The following CCSER1 variants were observed in gnomAD, a reference collection of about 807,000 sequenced individuals.
CCSER1 encodes serine-rich coiled-coil domain-containing protein 1.
CCSER1 carries 41 observed loss-of-function variants against 82.0 expected under a neutral mutation model. That is an observed-to-expected ratio of 0.50 (90% CI 0.39 to 0.65). CCSER1 has a LOEUF of 0.65. CCSER1 is among the 30% of genes least tolerant of loss of function. The pLI is 0.00. For missense variants in CCSER1, 1,119 were observed against 1,064.2 expected (o/e 1.05, Z -0.72); for synonymous variants, 414 against 383.9 (o/e 1.08, Z -0.92).
At chr4:91,420,016 G>C (rs769853581) in intron 10 of CCSER1, among the ~76,000 whole-genome samples, 2 of 152,024 alleles carry the variant, frequency 1.3e-5, no homozygotes, top group Non-Finnish European at 2.9e-5. Context: ...AGTGAAACTG[G>C]ACCCTTGTCT....
At chr4:91,273,696 G>A (rs1462922337) in intron 10 of CCSER1, among the ~76,000 whole-genome samples, 1 of 152,132 alleles carries the variant, frequency 6.6e-6, no homozygotes, top group African/African-American at 2.4e-5. Context: ...CTCAGATGGA[G>A]TGCTTTAAAC....
intron 10 of CCSER1, among the ~76,000 whole-genome samples, chr4:91,412,456 C>T (rs1206332253): frequency 5.3e-5 from 8 of 152,134 alleles, no homozygotes; most frequent in South Asian, 2.1e-4. Flanking sequence ...GCACACACAT[C>T]TGTGAAATTG....
chr4:90,257,391 C>G (rs902490395), intron 1 of CCSER1, among the ~76,000 whole-genome samples: 1 of 151,746 alleles, frequency 6.6e-6, no homozygotes, highest in Non-Finnish European at 1.5e-5. Context: ...TTTAAGGGAG[C>G]AAAAAATATT....
chr4:90,489,853 A>T (rs1767696499), intron 5 of CCSER1, among the ~76,000 whole-genome samples: 1 of 152,134 alleles, frequency 6.6e-6, no homozygotes. Context: ...ACATGAACTC[A>T]TCCATTTTTA....
chr4:91,439,375 C>T lies in CCSER1; in HGVS notation c.2218-159197C>T, dbSNP rs547245360. On this transcript the variant is annotated intron_variant, in intron 10 of 10. Coordinates refer to ENST00000509176, the MANE Select transcript of CCSER1 (RefSeq NM_001145065.2). ...TTCAACCCAGAATTTCATATCCAACCAAACTAAGCTTCATAAGTGCAAGAG... is the reference window on the plus strand; with the variant it reads ...TTCAACCCAGAATTTCATATCCAACTAAACTAAGCTTCATAAGTGCAAGAG... 7.9e-5 allele frequency among the ~76,000 whole-genome samples: 12 copies of T among 152,000 alleles called. No individual in the cohort carries two copies. The South Asian group carries it at 1.9e-3, about 24-fold the overall frequency.
intron 1 of CCSER1, among the ~76,000 whole-genome samples, chr4:90,222,010 C>A (rs1742241257): frequency 6.6e-6 from 1 of 152,070 alleles, no homozygotes; most frequent in Non-Finnish European, 1.5e-5. Flanking sequence ...CATGTTTTCA[C>A]TCTGTAACAG....
chr4:91,258,729 CA>C (rs918632958), intron 10 of CCSER1, among the ~76,000 whole-genome samples: 6 of 151,986 alleles, frequency 3.9e-5, no homozygotes, highest in Non-Finnish European at 7.4e-5. Context: ...TGCTAATATG[CA>C]AAAATAAATC....
At chr4:91,150,791 G>T (rs1392256183) in intron 10 of CCSER1, among the ~76,000 whole-genome samples, 1 of 152,144 alleles carries the variant, frequency 6.6e-6, no homozygotes, top group Non-Finnish European at 1.5e-5. Flanking sequence ...TGCATATGTT[G>T]AACCAGCCTT....
chr4:90,716,660 G>T (rs1017344252), intron 6 of CCSER1, among the ~76,000 whole-genome samples: 2 of 152,028 alleles, frequency 1.3e-5, no homozygotes, highest in Non-Finnish European at 2.9e-5. Context: ...ACAATATTCA[G>T]TACAGTAACA....
intron 7 of CCSER1, among the ~76,000 whole-genome samples, chr4:90,771,376 A>C (rs1356669947): frequency 6.6e-6 from 1 of 151,726 alleles, no homozygotes; most frequent in Non-Finnish European, 1.5e-5. Flanking sequence ...CCACTTTTTA[A>C]AATTCAGAAA....
intron 10 of CCSER1, among the ~76,000 whole-genome samples, chr4:91,088,264 A>G (rs1399648855): frequency 5.3e-5 from 8 of 152,122 alleles, no homozygotes; most frequent in African/African-American, 9.7e-5. Context: ...GCTATTCCCC[A>G]TAGGTGTTGA....
intron 5 of CCSER1, among the ~76,000 whole-genome samples, chr4:90,566,940 C>T (rs948002296): frequency 2.0e-5 from 3 of 151,506 alleles, no homozygotes; most frequent in African/African-American, 4.8e-5. Context: ...TCAATTGTAA[C>T]GTCTCCTTTC....
intron 3 of CCSER1, among the ~76,000 whole-genome samples, chr4:90,389,821 T>G (rs867250889): frequency 1.3e-5 from 2 of 151,214 alleles, no homozygotes; most frequent in African/African-American, 2.4e-5. Flanking sequence ...TAATTTCTAG[T>G]TTTTTTTTAA....
intron 7 of CCSER1, among the ~76,000 whole-genome samples, chr4:90,775,073 ATTGAT>A (rs1001466801): frequency 3.3e-5 from 5 of 152,118 alleles, no homozygotes; most frequent in African/African-American, 9.6e-5. Flanking sequence ...TTCTCCTATA[ATTGAT>A]TTAACAAAGG....
At chr4:91,570,167 C>T (rs937042961) in intron 10 of CCSER1, among the ~76,000 whole-genome samples, 1 of 152,192 alleles carries the variant, frequency 6.6e-6, no homozygotes, top group Non-Finnish European at 1.5e-5. Flanking sequence ...GCTTCCAAGA[C>T]CTTGAGCAGC....
At chr4:90,384,409 G>T (rs539585821) in intron 3 of CCSER1, among the ~76,000 whole-genome samples, 1 of 150,806 alleles carries the variant, frequency 6.6e-6, no homozygotes, top group African/African-American at 2.4e-5. Flanking sequence ...ATTGAACAAT[G>T]AGAACACTTG....
intron 9 of CCSER1, among the ~76,000 whole-genome samples, chr4:91,046,979 G>T (rs939240669): frequency 6.6e-6 from 1 of 152,086 alleles, no homozygotes; most frequent in Non-Finnish European, 1.5e-5. Context: ...GCCTCCCAAA[G>T]TGCTGGGATT....
At chr4:91,545,964 C>G (rs1182630881) in intron 10 of CCSER1, among the ~76,000 whole-genome samples, 1 of 152,040 alleles carries the variant, frequency 6.6e-6, no homozygotes, top group African/African-American at 2.4e-5. Flanking sequence ...TTCCCCTATT[C>G]CTAGTTTGCT....
chr4:90,255,982 A>G (rs1436578184), intron 1 of CCSER1, among the ~76,000 whole-genome samples: 1 of 152,134 alleles, frequency 6.6e-6, no homozygotes, highest in Non-Finnish European at 1.5e-5. Flanking sequence ...TTTCTAGTTA[A>G]TGATAGAACT....
Sources: gnomAD v4.1 joint callset for allele counts (sites outside exome capture counted in the v4.1 genomes callset) on GRCh38, gnomAD v4.1.1 for gene constraint, MANE v1.5 for transcripts, NCBI Gene and HGNC (gene_info 2026-07-23, HGNC 2026-07-21) for gene names.